Variants in WAC observed in about 807,000 individuals in gnomAD.
WAC encodes WW domain containing adaptor with coiled-coil.
In WAC, 11 loss-of-function variants were observed where a neutral mutation model predicts 79.6. The ratio of observed to expected loss-of-function variants is 0.14; its 90% CI spans 0.09 to 0.23. The LOEUF is 0.23. Ranked by LOEUF, WAC falls within the 10% of genes least tolerant of loss-of-function variation. The probability of loss-of-function intolerance (pLI) is 1.00; values close to 1 mark genes in which losing one functional copy is unlikely to be tolerated. For synonymous variants in WAC, 304 were observed against 276.9 expected (o/e 1.10, Z -0.97); for missense variants, 728 against 773.5 (o/e 0.94, Z 0.70).
rs539118094 is a variant in WAC at position 28,580,611 on chromosome 10, T to C, written c.275-2788T>C. ...TCAGTAAGATTAGGTTTTTTTCCAT[T>C]ACTGTCGACAAACTTAAGGAAATTT... On this transcript the variant is annotated intron_variant, in intron 3 of 13. Transcript: ENST00000354911. 3.5e-4 allele frequency among the ~76,000 whole-genome samples: 53 copies of C among 152,288 alleles called. No homozygotes were observed. In the East Asian group the frequency reaches 6.7e-3, roughly 19 times the overall value.
Position 28,535,774 on chromosome 10 carries a change from T to G in WAC, c.274+17T>G. The G allele has an allele frequency of 6.3e-7, 1 of 1,585,894 alleles. No homozygotes were observed. The highest frequency in any genetic ancestry group is 8.6e-7 in the Non-Finnish European group (1 of 1,163,820). On this transcript the variant is annotated intron_variant, in intron 3 of 13. Transcript: ENST00000354911. The stretch of plus-strand genomic sequence containing the variant: ...GGGATGGTGGTGAGTATCTTTCTTG[T>G]TGAAACTTTGACATACAGTTTTAAC...
intron 3 of WAC, among the ~76,000 whole-genome samples, chr10:28,582,701 G>A (rs1056611119): frequency 1.6e-4 from 25 of 152,116 alleles, no homozygotes; most frequent in African/African-American, 4.8e-4. Flanking sequence ...AAGTGTTTTT[G>A]CAAGTCTGGA....
At chr10:28,585,049 C>CA in intron 4 of WAC, among the ~76,000 whole-genome samples, 1 of 151,934 alleles carries the variant, frequency 6.6e-6, no homozygotes, top group Non-Finnish European at 1.5e-5. Flanking sequence ...GCCTGGGTGA[C>CA]AGAGCAAGAC....
chr10:28,617,375 C>G (rs994882309), intron 12 of WAC, among the ~76,000 whole-genome samples: 1 of 152,196 alleles, frequency 6.6e-6, no homozygotes, highest in Non-Finnish European at 1.5e-5. Flanking sequence ...CTTTTATTAA[C>G]CACAAATTAT....
At chr10:28,581,993 A>T (rs934879134) in intron 3 of WAC, among the ~76,000 whole-genome samples, 1 of 152,252 alleles carries the variant, frequency 6.6e-6, no homozygotes, top group Non-Finnish European at 1.5e-5. Flanking sequence ...AGAAGAACCC[A>T]TCAGACTTCT....
intron 6 of WAC, among the ~76,000 whole-genome samples, chr10:28,595,229 G>A (rs1359626791): frequency 3.3e-5 from 5 of 152,088 alleles, no homozygotes; most frequent in African/African-American, 1.2e-4. Flanking sequence ...CTGCTTTAGA[G>A]GCAACTAATT....
chr10:28,562,632 G>C (rs1589158195), intron 3 of WAC, among the ~76,000 whole-genome samples: 1 of 151,812 alleles, frequency 6.6e-6, no homozygotes, highest in African/African-American at 2.4e-5. Flanking sequence ...AGATAAGAAA[G>C]GTAGTAAACA....
chr10:28,540,752 C>T (rs566410822), intron 3 of WAC, among the ~76,000 whole-genome samples: 22 of 152,226 alleles, frequency 1.4e-4, no homozygotes, highest in East Asian at 3.9e-4. Flanking sequence ...TGTGATAATA[C>T]TATGCAGAAA....
In WAC at chr10:28,574,632, C is replaced by T. The variant is rs544617627; in HGVS notation, c.275-8767C>T. Among the ~76,000 whole-genome samples the T allele has an allele frequency of 7.7e-4, 117 of 152,140 alleles. 2 individuals carry two copies. Among genetic ancestry groups the T allele is most frequent in the Middle Eastern group, 3.4e-3 (1 of 294 alleles). On this transcript the variant is annotated intron_variant, in intron 3 of 13. Coordinates refer to ENST00000354911, the MANE Select transcript of WAC (RefSeq NM_016628.5). ...TAATTTTTTGTATTTTTAGTAGAGG[C>T]GGGGTTTCACCATGTTGCCCAAGCT...
At chr10:28,533,881 G>C in intron 1 of WAC, 117 bp from the exon 2 acceptor site, 1 of 1,323,982 alleles carries the variant, frequency 7.6e-7, no homozygotes, top group Non-Finnish European at 1.1e-6. Flanking sequence ...GGGGCTCGGC[G>C]CTGGGGCGCT....
rs1035879589 is a variant in WAC at position 28,540,874 on chromosome 10, A to G, written c.274+5117A>G. On this transcript the variant is annotated intron_variant, in intron 3 of 13. Coordinates refer to ENST00000354911, the MANE Select transcript of WAC (RefSeq NM_016628.5). The stretch of plus-strand genomic sequence containing the variant: ...AGCAGTCTTAATGTTTCAACTCTTC[A>G]TTGTTTTTTTTTTAATTTTAGAAAA... 3.3e-4 allele frequency among the ~76,000 whole-genome samples: 49 copies of G among 149,918 alleles called. 1 individual carries two copies. The highest frequency in any genetic ancestry group is 2.6e-3 in the Admixed American group (39 of 15,118).
chr10:28,546,421 G>T (rs1376739513), intron 3 of WAC, among the ~76,000 whole-genome samples: 2 of 152,206 alleles, frequency 1.3e-5, no homozygotes, highest in Non-Finnish European at 2.9e-5. Flanking sequence ...CAAGCTGCTA[G>T]AAGTACTGTT....
chr10:28,590,702 C>T lies in WAC; in HGVS notation c.498-18C>T, dbSNP rs1554787364. ...CTTAATGTAATTTTTATATGTTTAT[C>T]TTTTTTTTTATTTTTAGAGAACAGA... On this transcript the variant is annotated intron_variant, in intron 5 of 13. Coordinates refer to ENST00000354911, the MANE Select transcript of WAC (RefSeq NM_016628.5). 2.2e-5 allele frequency: 34 copies of T among 1,538,848 alleles called. No homozygotes were observed. The highest frequency in any genetic ancestry group is 3.9e-5 in the Admixed American group (2 of 51,406).
chr10:28,583,302 A>G lies in WAC; in HGVS notation c.275-97A>G, dbSNP rs965268781. Reference sequence around the variant, plus strand: ...TAATGCTTATGTAAGATGTTCGTTTAGAGATATAAAATAATATCTAGTATG... The same window carrying G: ...TAATGCTTATGTAAGATGTTCGTTTGGAGATATAAAATAATATCTAGTATG... On this transcript the variant is annotated intron_variant, in intron 3 of 13. Transcript: ENST00000354911. 11 of 849,396 alleles carry G rather than the reference A, an allele frequency of 1.3e-5. No individual in the cohort carries two copies. In the East Asian group the frequency reaches 1.6e-4, roughly 13 times the overall value. 52.6% of individuals were successfully genotyped at this position (849,396 alleles called of 1,614,324 possible).
intron 6 of WAC, among the ~76,000 whole-genome samples, chr10:28,592,704 A>T (rs927965364): frequency 2.0e-5 from 3 of 152,222 alleles, no homozygotes; most frequent in Non-Finnish European, 4.4e-5. Context: ...TCATGATTTC[A>T]AAAGTAGGCC....
intron 3 of WAC, among the ~76,000 whole-genome samples, chr10:28,551,743 A>G (rs981742446): frequency 1.4e-5 from 2 of 144,326 alleles, no homozygotes; most frequent in African/African-American, 5.2e-5. Context: ...TTGAGAATTG[A>G]TGTCATTTTA....
chr10:28,610,208 A>G (rs1437869677), intron 8 of WAC, among the ~76,000 whole-genome samples: 1 of 152,084 alleles, frequency 6.6e-6, no homozygotes, highest in Admixed American at 6.6e-5. Flanking sequence ...GCTGGGTGTG[A>G]GCTACCATGT....
At chr10:28,608,775 C>T (rs977475060) in intron 8 of WAC, among the ~76,000 whole-genome samples, 4 of 152,052 alleles carry the variant, frequency 2.6e-5, no homozygotes, top group Admixed American at 1.3e-4. Context: ...GGTATTAAAA[C>T]TTCTGGTATG....
intron 11 of WAC, chr10:28,615,011 ACCT>A: frequency 5.4e-6 from 1 of 186,588 alleles, no homozygotes; most frequent in Non-Finnish European, 1.1e-5. Flanking sequence ...TTACTTTTTA[ACCT>A]CCTCATAGCA....
Sources: allele counts gnomAD v4.1 joint callset (sites outside exome capture counted in the v4.1 genomes callset), GRCh38; gene constraint gnomAD v4.1.1; transcripts MANE v1.5; gene names NCBI Gene and HGNC (gene_info 2026-07-23, HGNC 2026-07-21).